ENTPD3: variants seen among roughly 807,000 people sequenced by gnomAD.
ENTPD3 encodes CD39 antigen-like 3.
In ENTPD3, 60 loss-of-function variants were observed where a neutral mutation model predicts 51.2. The observed-to-expected ratio is 1.17, with a 90% CI of 0.95 to 1.45. The LOEUF (loss-of-function observed/expected upper bound fraction) is 1.45, where lower values mean the gene tolerates loss of function less well. Ranked by LOEUF, ENTPD3 falls within the 40% of genes most tolerant of loss-of-function variation. The probability of loss-of-function intolerance (pLI) is 0.00; values close to 1 mark genes in which losing one functional copy is unlikely to be tolerated. For synonymous variants in ENTPD3, 221 were observed against 238.4 expected (o/e 0.93, Z 0.67); for missense variants, 593 against 641.1 (o/e 0.93, Z 0.81).
chr3:40,391,990 CCCT>C, intron 2 of ENTPD3, 30 bp from the exon 3 acceptor site: 1 of 1,612,690 alleles, frequency 6.2e-7, no homozygotes, highest in Non-Finnish European at 8.5e-7. Flanking sequence ...TTTTACCTCC[CCCT>C]CAAGTGTCTT....
At chr3:40,424,970 C>A (rs1211294013) in intron 10 of ENTPD3, 10 of 442,744 alleles carry the variant, frequency 2.3e-5, no homozygotes, top group Non-Finnish European at 1.2e-5. Context: ...CTAAGCTTTG[C>A]TTCTAATAAA....
At chr3:40,399,269 G>C (rs1955285766) in intron 3 of ENTPD3, among the ~76,000 whole-genome samples, 1 of 152,148 alleles carries the variant, frequency 6.6e-6, no homozygotes, top group African/African-American at 2.4e-5. Context: ...TAACGCAATA[G>C]TTGGATTTGA....
intron 5 of ENTPD3, among the ~76,000 whole-genome samples, chr3:40,413,818 A>G (rs535739694): frequency 3.9e-5 from 6 of 152,350 alleles, no homozygotes; most frequent in Admixed American, 3.9e-4. Context: ...TAGACAAGTA[A>G]AATAGAAAAG....
At chr3:40,418,780 T>C (rs903210982) in intron 7 of ENTPD3, among the ~76,000 whole-genome samples, 1 of 152,156 alleles carries the variant, frequency 6.6e-6, no homozygotes, top group Admixed American at 6.5e-5. Flanking sequence ...ATATGGTATA[T>C]ATAATTTTAT....
chr3:40,418,715 A>G (rs1955799508), intron 7 of ENTPD3, among the ~76,000 whole-genome samples: 1 of 152,194 alleles, frequency 6.6e-6, no homozygotes, highest in Non-Finnish European at 1.5e-5. Flanking sequence ...CTATTAACAT[A>G]CTATTGCATT....
At chr3:40,419,228 T>C (rs1462253508) in intron 7 of ENTPD3, among the ~76,000 whole-genome samples, 2 of 152,210 alleles carry the variant, frequency 1.3e-5, no homozygotes, top group Non-Finnish European at 2.9e-5. Flanking sequence ...TTTATTTCTG[T>C]AGGACAGGTT....
intron 9 of ENTPD3, among the ~76,000 whole-genome samples, 183 bp downstream of exon 9, chr3:40,423,584 CA>C (rs1955924623): frequency 6.6e-6 from 1 of 152,086 alleles, no homozygotes; most frequent in African/African-American, 2.4e-5. Flanking sequence ...ACTACATGCA[CA>C]ATGGTTAGAA....
At chr3:40,388,721 T>A (rs1219968737) in intron 2 of ENTPD3, among the ~76,000 whole-genome samples, 1 of 152,164 alleles carries the variant, frequency 6.6e-6, no homozygotes, top group Admixed American at 6.5e-5. Flanking sequence ...GGTAGGTACC[T>A]TGCAATTACC....
At chr3:40,405,533 G>A (rs1436102787) in intron 4 of ENTPD3, among the ~76,000 whole-genome samples, 2 of 151,854 alleles carry the variant, frequency 1.3e-5, no homozygotes, top group Non-Finnish European at 2.9e-5. Flanking sequence ...GCCAATAGTT[G>A]GCCGGAGCTC....
intron 4 of ENTPD3, among the ~76,000 whole-genome samples, chr3:40,405,935 C>T (rs1035355581): frequency 1.3e-5 from 2 of 152,086 alleles, no homozygotes; most frequent in Non-Finnish European, 2.9e-5. Flanking sequence ...TATTAGGTGC[C>T]TGCTGTTTGA....
intron 3 of ENTPD3, among the ~76,000 whole-genome samples, chr3:40,396,654 G>A (rs1009254565): frequency 1.3e-5 from 2 of 152,096 alleles, no homozygotes; most frequent in Non-Finnish European, 2.9e-5. Flanking sequence ...TAAACATGAT[G>A]CCATCACTTG....
chr3:40,425,063 G>A (rs1955955803), intron 10 of ENTPD3: 1 of 265,064 alleles, frequency 3.8e-6, no homozygotes, highest in Non-Finnish European at 7.3e-6. Flanking sequence ...AATATTCTAA[G>A]TTAAAAGTTC....
In ENTPD3 at chr3:40,400,981, G is replaced by T; in HGVS notation, c.256G>T (p.Val86Phe). The T allele has an allele frequency of 6.2e-7, 1 of 1,613,810 alleles. No homozygotes were observed. Residue 86 changes from valine (V) to phenylalanine (F), a missense_variant, in exon 4 of 11, where the codon GTC becomes TTC. Val to Phe is a conservative substitution (Grantham distance 50). Transcript: ENST00000301825. ...AGAAAAAGAGAATAATACCGGAGTG[G>T]TCAGTCAAACCTTCAAATGTAGTGT... The part of the protein sequence containing the change: ...PAEKENNTGV[V>F]SQTFKCSVKG...
rs765726571 is a variant in ENTPD3, at chr3:40,414,847, G to A, written c.597+7G>A. ...AATGGGAAATTTCCTGGAGGTGTGT[G>A]CAAACAAATGCATGGTTTTTAATCT... On this transcript the variant is annotated splice_region_variant and intron_variant, in intron 6 of 10. Coordinates refer to ENST00000301825, the MANE Select transcript of ENTPD3 (RefSeq NM_001248.4). 13 of 1,613,676 alleles carry A rather than the reference G, an allele frequency of 8.1e-6. No homozygotes were observed. In the East Asian group the frequency reaches 1.6e-4, roughly 19 times the overall value.
chr3:40,413,823 GA>G (rs1197146659), intron 5 of ENTPD3, among the ~76,000 whole-genome samples: 2 of 152,152 alleles, frequency 1.3e-5, no homozygotes, highest in East Asian at 3.8e-4. Flanking sequence ...AAGTAAAATA[GA>G]AAAGAAAACA....
Position 40,414,705 on chromosome 3 carries a change from T to G in ENTPD3, c.462T>G (p.Asn154Lys). The change falls in exon 6 of 11, where the codon AAT becomes AAG. Residue 154 changes from asparagine (N) to lysine (K), a missense_variant. By Grantham distance (94) the Asn-to-Lys change is moderately conservative (BLOSUM62 0). Transcript: ENST00000301825. ...LLRLQNETAANEVLESIQSYF... is the reference protein window; with the variant it reads ...LLRLQNETAAKEVLESIQSYF... The stretch of plus-strand genomic sequence containing the variant: ...GGTTGCAAAATGAAACAGCAGCTAA[T>G]GAAGTCCTTGAAAGCATCCAAAGCT... The G allele has an allele frequency of 1.2e-6, 2 of 1,614,118 alleles. No individual in the cohort carries two copies. Among genetic ancestry groups the G allele is most frequent in the Non-Finnish European group, 1.7e-6 (2 of 1,179,974 alleles).
At chr3:40,425,651 C>T (rs1040419876) in intron 10 of ENTPD3, among the ~76,000 whole-genome samples, 19 of 152,042 alleles carry the variant, frequency 1.2e-4, no homozygotes, top group African/African-American at 4.6e-4. Context: ...AATTCCAGCA[C>T]TTTGGGAGGC....
intron 7 of ENTPD3, among the ~76,000 whole-genome samples, chr3:40,422,134 TCACACA>T (rs3064615): frequency 6.7e-6 from 1 of 148,752 alleles, no homozygotes; most frequent in African/African-American, 2.5e-5. Flanking sequence ...GAGGTAATTG[TCACACA>T]CACACACACA....
chr3:40,404,414 G>A (rs1010225079), intron 4 of ENTPD3, among the ~76,000 whole-genome samples: 6 of 152,178 alleles, frequency 3.9e-5, no homozygotes, highest in Admixed American at 3.3e-4. Flanking sequence ...CTGTCCCACA[G>A]TTACAAGATC....
Sources: allele counts gnomAD v4.1 joint callset (sites outside exome capture counted in the v4.1 genomes callset), GRCh38; gene constraint gnomAD v4.1.1; transcripts MANE v1.5; gene names NCBI Gene and HGNC (gene_info 2026-07-23, HGNC 2026-07-21).